The following SNTG1 variants were observed in gnomAD, a reference collection of about 807,000 sequenced individuals.
SNTG1 encodes the protein syntrophin gamma 1, also known as gamma-1-syntrophin.
SNTG1 carries 39 observed loss-of-function variants against 74.7 expected under a neutral mutation model. That is an observed-to-expected ratio of 0.52 (90% CI 0.40 to 0.68). The LOEUF is 0.68. Among genes scored for constraint, SNTG1 ranks in the 30% least tolerant of loss-of-function variants. SNTG1 has a pLI of 0.00. For missense variants in SNTG1, 685 were observed against 609.5 expected, an observed-to-expected ratio of 1.12 and a Z score of -1.30; for synonymous variants, 254 against 217.1, an observed-to-expected ratio of 1.17 and a Z score of -1.49.
chr8:50,572,275 T>G (rs11998032), intron 12 of SNTG1, among the ~76,000 whole-genome samples: 4,711 of 148,312 alleles, frequency 0.032, 92 homozygotes, highest in Middle Eastern at 0.056. Context: ...TATATATATA[T>G]AGAGAGAGAG....
chr8:50,576,711 T>C (rs2094578638), intron 12 of SNTG1, among the ~76,000 whole-genome samples: 1 of 152,096 alleles, frequency 6.6e-6, no homozygotes, highest in Admixed American at 6.5e-5. Context: ...TTCTCTTTGA[T>C]ACTTTTGATA....
At chr8:50,622,514 T>C (rs1222871529) in intron 13 of SNTG1, among the ~76,000 whole-genome samples, 2 of 152,158 alleles carry the variant, frequency 1.3e-5, no homozygotes, top group Non-Finnish European at 2.9e-5. Context: ...TTAAAGTTTA[T>C]GTCTTAAGGT....
chr8:50,381,263 T>A (rs1404558349), intron 2 of SNTG1, among the ~76,000 whole-genome samples: 1 of 152,028 alleles, frequency 6.6e-6, no homozygotes, highest in Non-Finnish European at 1.5e-5. Context: ...GATTAACCAA[T>A]AAACTTATTT....
Position 50,530,161 on chromosome 8 carries a change from A to T in SNTG1, c.467-16A>T, listed in dbSNP as rs769292577. 6.2e-7 allele frequency: 1 copy of T among 1,612,468 alleles called. No homozygotes were observed. Among genetic ancestry groups the T allele is most frequent in the Admixed American group, 1.7e-5 (1 of 59,986 alleles). ...GCATTCTCACCAGTGGAATGTTATG[A>T]TTTTGTCTCCTGCAGGTGCTCCAAG... On this transcript the variant is annotated splice_polypyrimidine_tract_variant and intron_variant, in intron 9 of 18. Transcript: ENST00000642720.
intron 13 of SNTG1, among the ~76,000 whole-genome samples, chr8:50,654,998 CG>C (rs1563699885): frequency 6.6e-6 from 1 of 152,124 alleles, no homozygotes; most frequent in Non-Finnish European, 1.5e-5. Flanking sequence ...GTGACATTTC[CG>C]TGTAGAAAGC....
intron 4 of SNTG1, among the ~76,000 whole-genome samples, chr8:50,408,386 C>T (rs1003824783): frequency 3.9e-5 from 6 of 152,116 alleles, no homozygotes; most frequent in African/African-American, 1.2e-4. Context: ...TGAGGTTAGA[C>T]GCACTAGGGA....
At chr8:49,918,345 G>A (rs1480768988) in intron 1 of SNTG1, among the ~76,000 whole-genome samples, 1 of 152,100 alleles carries the variant, frequency 6.6e-6, no homozygotes, top group African/African-American at 2.4e-5. Context: ...ATCTTTTCCA[G>A]CTACTGTTTT....
chr8:49,974,644 G>T (rs547974037), intron 1 of SNTG1, among the ~76,000 whole-genome samples: 21 of 151,778 alleles, frequency 1.4e-4, no homozygotes, highest in Non-Finnish European at 2.6e-4. Context: ...TGACTTTGTG[G>T]TTCCCTACAT....
chr8:50,686,663 T>C (rs2095353653), intron 15 of SNTG1, among the ~76,000 whole-genome samples: 1 of 152,104 alleles, frequency 6.6e-6, no homozygotes, highest in South Asian at 2.1e-4. Context: ...AAATTAATAA[T>C]TGTAAAAATA....
At chr8:49,976,360 G>A (rs1347053680) in intron 1 of SNTG1, among the ~76,000 whole-genome samples, 3 of 152,154 alleles carry the variant, frequency 2.0e-5, no homozygotes, top group East Asian at 1.9e-4. Context: ...CTTATTCTCT[G>A]TGTTTTTGCA....
chr8:50,024,348 A>C (rs1249214609), intron 1 of SNTG1, among the ~76,000 whole-genome samples: 1 of 152,182 alleles, frequency 6.6e-6, no homozygotes, highest in African/African-American at 2.4e-5. Context: ...AAAAAGGAAT[A>C]ATTATATAAC....
chr8:50,382,546 C>A (rs1203408583), intron 2 of SNTG1, among the ~76,000 whole-genome samples: 1 of 152,042 alleles, frequency 6.6e-6, no homozygotes, highest in Non-Finnish European at 1.5e-5. Context: ...TTGGAAAGAG[C>A]AGGAAGTAGG....
At chr8:50,303,260 A>G (rs1017015356) in intron 2 of SNTG1, among the ~76,000 whole-genome samples, 17 of 152,236 alleles carry the variant, frequency 1.1e-4, no homozygotes, top group African/African-American at 2.6e-4. Context: ...TATAAAAGTG[A>G]CTGACTTTTA....
At chr8:50,370,364 T>C (rs1488024301) in intron 2 of SNTG1, among the ~76,000 whole-genome samples, 2 of 152,146 alleles carry the variant, frequency 1.3e-5, no homozygotes, top group African/African-American at 4.8e-5. Flanking sequence ...AGTGAGGGCA[T>C]TGATTGGTAA....
intron 1 of SNTG1, among the ~76,000 whole-genome samples, chr8:49,983,513 T>C (rs2130179646): frequency 6.6e-6 from 1 of 152,350 alleles, no homozygotes; most frequent in South Asian, 2.1e-4. Flanking sequence ...TCTCGTTTGC[T>C]TTTTATTATT....
chr8:50,590,596 T>C (rs1260390494), intron 12 of SNTG1, among the ~76,000 whole-genome samples: 1 of 152,146 alleles, frequency 6.6e-6, no homozygotes, highest in Non-Finnish European at 1.5e-5. Context: ...GATAATCATT[T>C]AGTATTGTTT....
At chr8:50,189,475 T>C (rs1045124820) in intron 2 of SNTG1, among the ~76,000 whole-genome samples, 5 of 152,152 alleles carry the variant, frequency 3.3e-5, no homozygotes, top group African/African-American at 1.2e-4. Flanking sequence ...GGGACCACAC[T>C]GTGCAAACCA....
chr8:50,784,297 C>CA (rs1430107855), intron 18 of SNTG1, among the ~76,000 whole-genome samples: 15 of 152,022 alleles, frequency 9.9e-5, no homozygotes, highest in African/African-American at 3.6e-4. Flanking sequence ...GTAGAATTAT[C>CA]CAAGCTTTAT....
chr8:50,556,927 G>C (rs950909870), intron 12 of SNTG1, among the ~76,000 whole-genome samples: 2 of 152,240 alleles, frequency 1.3e-5, no homozygotes, highest in African/African-American at 4.8e-5. Context: ...TGAGGACTCA[G>C]CACATGTCAG....
Sources: allele counts gnomAD v4.1 joint callset (sites outside exome capture counted in the v4.1 genomes callset), GRCh38; gene constraint gnomAD v4.1.1; transcripts MANE v1.5; gene names NCBI Gene and HGNC (gene_info 2026-07-23, HGNC 2026-07-21).